Variants in FGF12 observed in about 807,000 individuals in gnomAD.
FGF12 encodes the protein fibroblast growth factor 12, also known as fibroblast growth factor 12B.
Under a neutral mutation model 23.6 loss-of-function variants are expected in FGF12, and 14 were observed. The ratio of observed to expected loss-of-function variants is 0.59; its 90% CI spans 0.39 to 0.93. The LOEUF is 0.93. FGF12 is among the 40% of genes least tolerant of loss of function. The pLI, the probability that FGF12 is intolerant of heterozygous loss-of-function variation, is 0.00. For missense variants in FGF12, 175 were observed against 217.8 expected, an observed-to-expected ratio of 0.80 and a Z score of 1.24; for synonymous variants, 62 against 77.3, an observed-to-expected ratio of 0.80 and a Z score of 1.04.
Position 192,230,276 on chromosome 3 carries a change from T to G in FGF12, c.229-59620A>C, listed in dbSNP as rs144164061. Among the ~76,000 whole-genome samples, 528 of 152,282 alleles carry G rather than the reference T, an allele frequency of 3.5e-3. 8 individuals carry two copies. Among genetic ancestry groups the G allele is most frequent in the Admixed American group, 0.026 (391 of 15,292 alleles). ...GTGATGTGAAACTTCAGCAAATCCA[T>G]GGGCACTTATTTAGACAGATACATA... On this transcript the variant is annotated intron_variant, in intron 4 of 5. Transcript: ENST00000445105.
intron 4 of FGF12, among the ~76,000 whole-genome samples, chr3:192,253,667 G>C (rs533815385): frequency 6.6e-6 from 1 of 152,026 alleles, no homozygotes; most frequent in African/African-American, 2.4e-5. Context: ...TTCAAATTAT[G>C]TTTGGAGTCT....
At chr3:192,252,183 G>A (rs530786973) in intron 4 of FGF12, among the ~76,000 whole-genome samples, 22 of 151,988 alleles carry the variant, frequency 1.4e-4, no homozygotes, top group African/African-American at 4.8e-4. Context: ...AATATAAGCC[G>A]GGCATGGTGG....
chr3:192,535,489 A>T (rs1725203561), intron 2 of FGF12, among the ~76,000 whole-genome samples: 1 of 152,184 alleles, frequency 6.6e-6, no homozygotes, highest in Admixed American at 6.5e-5. Context: ...GAACAATGTG[A>T]GAAGAATTTG....
chr3:192,281,540 C>A (rs1167792902), intron 4 of FGF12, among the ~76,000 whole-genome samples: 1 of 152,104 alleles, frequency 6.6e-6, no homozygotes, highest in Non-Finnish European at 1.5e-5. Flanking sequence ...TGTGGCCTGG[C>A]ATTAAGTTGA....
At chr3:192,381,530 A>T (rs1719811704) in intron 2 of FGF12, among the ~76,000 whole-genome samples, 1 of 152,182 alleles carries the variant, frequency 6.6e-6, no homozygotes, top group Admixed American at 6.5e-5. Flanking sequence ...TGCCACAATC[A>T]GTTATTATAA....
chr3:192,215,620 T>C (rs1031984660), intron 4 of FGF12, among the ~76,000 whole-genome samples: 2 of 152,200 alleles, frequency 1.3e-5, no homozygotes, highest in African/African-American at 4.8e-5. Flanking sequence ...ACTCTGTACC[T>C]ATTATCTCCT....
intron 2 of FGF12, among the ~76,000 whole-genome samples, chr3:192,669,715 T>A (rs1296239363): frequency 6.6e-6 from 1 of 151,828 alleles, no homozygotes; most frequent in Non-Finnish European, 1.5e-5. Flanking sequence ...TCCAATAATA[T>A]TAAATTGTTA....
intron 3 of FGF12, among the ~76,000 whole-genome samples, chr3:192,352,478 G>A (rs1718271200): frequency 6.6e-6 from 1 of 152,110 alleles, no homozygotes; most frequent in African/African-American, 2.4e-5. Flanking sequence ...GCTGGTCTAG[G>A]GACTAGACAT....
intron 2 of FGF12, among the ~76,000 whole-genome samples, chr3:192,550,415 ATAT>A (rs1264102641): frequency 6.7e-6 from 1 of 150,110 alleles, no homozygotes; most frequent in African/African-American, 2.4e-5. Flanking sequence ...CATATATAAC[ATAT>A]TATATATTGC....
chr3:192,203,112 G>C (rs1717458160), intron 4 of FGF12, among the ~76,000 whole-genome samples: 1 of 150,892 alleles, frequency 6.6e-6, no homozygotes, highest in East Asian at 1.9e-4. Context: ...TTTTAAAAAT[G>C]TACTTAAAAG....
At chr3:192,717,024 AC>A (rs911380588) in intron 2 of FGF12, among the ~76,000 whole-genome samples, 8 of 152,178 alleles carry the variant, frequency 5.3e-5, no homozygotes, top group Non-Finnish European at 8.8e-5. Context: ...TCTTGAACCC[AC>A]CTGATAACAG....
chr3:192,605,252 T>C (rs2708313), intron 2 of FGF12, among the ~76,000 whole-genome samples: 64,051 of 151,590 alleles, frequency 0.42, 13,609 homozygotes, highest in Middle Eastern at 0.49. Flanking sequence ...TGGCACACAC[T>C]TCTAGTCCCA....
chr3:192,423,371 C>G (rs768002684), intron 2 of FGF12, among the ~76,000 whole-genome samples: 97 of 152,100 alleles, frequency 6.4e-4, no homozygotes, highest in Non-Finnish European at 1.8e-4. Context: ...AAGTATGTAT[C>G]TAGAAGAGCG....
intron 2 of FGF12, among the ~76,000 whole-genome samples, chr3:192,477,569 A>G (rs1357365569): frequency 6.6e-6 from 1 of 152,224 alleles, no homozygotes; most frequent in Non-Finnish European, 1.5e-5. Flanking sequence ...ATTTATTTTT[A>G]AACACTAGAC....
chr3:192,263,633 C>T (rs1011459283), intron 4 of FGF12, among the ~76,000 whole-genome samples: 3 of 151,570 alleles, frequency 2.0e-5, no homozygotes, highest in African/African-American at 7.3e-5. Context: ...TTTTTTAATG[C>T]TCCATGAAGT....
At chr3:192,650,485 C>T (rs974648519) in intron 2 of FGF12, among the ~76,000 whole-genome samples, 2 of 152,204 alleles carry the variant, frequency 1.3e-5, no homozygotes, top group African/African-American at 4.8e-5. Flanking sequence ...CCCTGAGCCA[C>T]CCAAACAACA....
Position 192,409,092 on chromosome 3 carries a change from A to G in FGF12, c.14-48554T>C. 1 of 287,038 alleles carries G rather than the reference A, an allele frequency of 3.5e-6. No individual in the cohort carries two copies. 17.8% of individuals were successfully genotyped at this position (287,038 alleles called of 1,614,324 possible). On this transcript the variant is annotated intron_variant, in intron 2 of 5. Coordinates refer to ENST00000445105, the MANE Select transcript of FGF12 (RefSeq NM_004113.6). The surrounding 1 kb of genome is among the most constrained non-coding windows in gnomAD (Gnocchi z 4.8). ...CGAGGGAGGGGGGAGGGCGCGAGGGAGGGAGGGAGATCCTCGAGGGCCAAG... is the reference window on the plus strand; with the variant it reads ...CGAGGGAGGGGGGAGGGCGCGAGGGGGGGAGGGAGATCCTCGAGGGCCAAG...
intron 2 of FGF12, among the ~76,000 whole-genome samples, chr3:192,424,972 A>G (rs1721648955): frequency 6.6e-6 from 1 of 152,196 alleles, no homozygotes; most frequent in Admixed American, 6.6e-5. Flanking sequence ...GTTGTCATGC[A>G]TACACATATT....
intron 4 of FGF12, among the ~76,000 whole-genome samples, chr3:192,208,550 A>C (rs1225064531): frequency 6.6e-6 from 1 of 152,214 alleles, no homozygotes; most frequent in Non-Finnish European, 1.5e-5. Flanking sequence ...TATACACCAA[A>C]TTATAAAAGA....
Sources: allele counts gnomAD v4.1 joint callset (sites outside exome capture counted in the v4.1 genomes callset), GRCh38; gene constraint gnomAD v4.1.1; non-coding constraint Gnocchi (gnomAD v3.1); transcripts MANE v1.5; gene names NCBI Gene and HGNC (gene_info 2026-07-23, HGNC 2026-07-21).